HIVEP3: variants seen among roughly 807,000 people sequenced by gnomAD.
HIVEP3 encodes the protein transcription factor HIVEP3.
In HIVEP3, 49 loss-of-function variants were observed where a neutral mutation model predicts 152.8. The ratio of observed to expected loss-of-function variants is 0.32; its 90% confidence interval spans 0.26 to 0.41. HIVEP3 has a LOEUF of 0.41. HIVEP3 is among the 10% of genes least tolerant of loss of function. The pLI is 1.00. For missense variants in HIVEP3, 2,790 were observed against 3,103.3 expected, an observed-to-expected ratio of 0.90 and a Z score of 2.40; for synonymous variants, 1,269 against 1,289.0, an observed-to-expected ratio of 0.98 and a Z score of 0.33.
chr1:42,016,883 T>C (rs1645526145), intron 1 of HIVEP3, among the ~76,000 whole-genome samples: 2 of 152,210 alleles, frequency 1.3e-5, no homozygotes, highest in Non-Finnish European at 2.9e-5. Flanking sequence ...TCCTGATATA[T>C]TTATGTAGGC....
intron 1 of HIVEP3, among the ~76,000 whole-genome samples, chr1:41,867,230 T>C (rs1381451280): frequency 1.3e-5 from 2 of 151,944 alleles, no homozygotes; most frequent in East Asian, 3.9e-4. Flanking sequence ...TGAAATGAGG[T>C]GGATGGGGCT....
intron 5 of HIVEP3, among the ~76,000 whole-genome samples, chr1:41,528,947 A>C (rs1569764170): frequency 1.7e-5 from 1 of 60,202 alleles, no homozygotes; most frequent in Admixed American, 2.0e-4. Context: ...ACTCACCTTC[A>C]TGCTCACATT....
intron 1 of HIVEP3, among the ~76,000 whole-genome samples, chr1:41,885,232 G>T (rs1277969310): frequency 6.6e-6 from 1 of 152,188 alleles, no homozygotes; most frequent in African/African-American, 2.4e-5. Context: ...AGTACCCTTA[G>T]GTGCTCTCAT....
chr1:41,888,895 AC>A (rs1473362588), intron 1 of HIVEP3, among the ~76,000 whole-genome samples: 1 of 141,422 alleles, frequency 7.1e-6, no homozygotes, highest in Non-Finnish European at 1.5e-5. Flanking sequence ...CACATACCCC[AC>A]ACACGTACAC....
At chr1:41,993,104 C>T (rs1293907071) in intron 1 of HIVEP3, among the ~76,000 whole-genome samples, 2 of 151,100 alleles carry the variant, frequency 1.3e-5, no homozygotes, top group African/African-American at 4.9e-5. Context: ...GACTTCATGT[C>T]TAAAACACCA....
chr1:41,566,278 G>C (rs998463669), intron 5 of HIVEP3, among the ~76,000 whole-genome samples: 11 of 152,114 alleles, frequency 7.2e-5, no homozygotes, highest in Non-Finnish European at 1.6e-4. Flanking sequence ...AAGAGGCCTG[G>C]AATGGGGCTG....
chr1:41,801,129 AAAG>A (rs1279016219), intron 1 of HIVEP3, among the ~76,000 whole-genome samples: 4 of 152,364 alleles, frequency 2.6e-5, no homozygotes, highest in Non-Finnish European at 1.5e-5. Flanking sequence ...AGGGCCCAGA[AAAG>A]AAGAAGATGC....
chr1:41,786,382 C>T (rs1195014575), intron 1 of HIVEP3, among the ~76,000 whole-genome samples: 1 of 152,210 alleles, frequency 6.6e-6, no homozygotes, highest in East Asian at 1.9e-4. Flanking sequence ...GGGCCTGCCC[C>T]ACTTCTCAGC....
chr1:41,771,872 A>G (rs187765624), intron 1 of HIVEP3, among the ~76,000 whole-genome samples: 34 of 152,134 alleles, frequency 2.2e-4, no homozygotes, highest in African/African-American at 8.2e-4. Context: ...TCACCGTGTT[A>G]GCCAGGCTGG....
rs555299043 is a variant in HIVEP3, at chr1:41,816,147, C to T, written c.-801+102266G>A. ...CCACAATCCCAAGTCTTGTCCACTC[C>T]AGCCTCTCAGTAGCTTCCATAAAGC... On this transcript the variant is annotated intron_variant, in intron 1 of 8. Transcript: ENST00000372583. Among the ~76,000 whole-genome samples, 3 of 152,302 alleles carry T rather than the reference C, an allele frequency of 2.0e-5. No individual in the cohort carries two copies. In the East Asian group the frequency reaches 5.8e-4, roughly 29 times the overall value.
chr1:41,935,513 A>G (rs1242772924), intron 1 of HIVEP3, among the ~76,000 whole-genome samples: 1 of 152,080 alleles, frequency 6.6e-6, no homozygotes. Flanking sequence ...CAGAATGGCA[A>G]CAAGGGACTA....
At chr1:41,944,195 G>GA (rs1255518099) in intron 1 of HIVEP3, among the ~76,000 whole-genome samples, 23 of 152,314 alleles carry the variant, frequency 1.5e-4, no homozygotes, top group African/African-American at 5.5e-4. Flanking sequence ...TCTGGAGAAG[G>GA]ATAGTACCAG....
rs535961364 is a variant in HIVEP3 at position 41,539,885 on chromosome 1, A to G, written c.5208-14975T>C. 7.9e-5 allele frequency among the ~76,000 whole-genome samples: 12 copies of G among 152,368 alleles called. No individual in the cohort carries two copies. In the South Asian group the frequency reaches 2.5e-3, roughly 32 times the overall value. On this transcript the variant is annotated intron_variant, in intron 5 of 8. Transcript: ENST00000372583. The stretch of plus-strand genomic sequence containing the variant: ...ACAATTTGTTAAGTGCTGACTCTGT[A>G]GTAGGCACTTTTTACAGAAATTATA...
intron 1 of HIVEP3, among the ~76,000 whole-genome samples, chr1:41,785,347 G>A (rs1246310640): frequency 6.6e-6 from 1 of 152,162 alleles, no homozygotes; most frequent in East Asian, 1.9e-4. Flanking sequence ...AGAATGGGGA[G>A]GGTTGCATCG....
At chr1:42,017,145 ATTTTC>A (rs1645527918) in intron 1 of HIVEP3, among the ~76,000 whole-genome samples, 1 of 152,020 alleles carries the variant, frequency 6.6e-6, no homozygotes, top group South Asian at 2.1e-4. Flanking sequence ...TACCATTTTA[ATTTTC>A]TTTTCAAAGA....
chr1:41,547,380 C>G (rs1351574371), intron 5 of HIVEP3, among the ~76,000 whole-genome samples: 1 of 152,104 alleles, frequency 6.6e-6, no homozygotes, highest in Non-Finnish European at 1.5e-5. Context: ...GACAAGCAGG[C>G]AGTGGCAGGG....
intron 1 of HIVEP3, among the ~76,000 whole-genome samples, chr1:41,801,507 A>T (rs559928102): frequency 6.6e-6 from 1 of 152,354 alleles, no homozygotes; most frequent in South Asian, 2.1e-4. Flanking sequence ...TCTTACAAGA[A>T]ATTACTGATA....
chr1:41,811,842 C>G (rs1477021790), intron 1 of HIVEP3, among the ~76,000 whole-genome samples: 1 of 151,950 alleles, frequency 6.6e-6, no homozygotes, highest in African/African-American at 2.4e-5. Flanking sequence ...CAGATGAGTC[C>G]TTATCTAACT....
At chr1:41,972,080 T>C (rs983797330) in intron 1 of HIVEP3, among the ~76,000 whole-genome samples, 1 of 152,224 alleles carries the variant, frequency 6.6e-6, no homozygotes, top group Non-Finnish European at 1.5e-5. Context: ...TACTCTCTAG[T>C]ATTTTATTAT....
Sources: gnomAD v4.1 joint callset for allele counts (sites outside exome capture counted in the v4.1 genomes callset) on GRCh38, gnomAD v4.1.1 for gene constraint, MANE v1.5 for transcripts, NCBI Gene and HGNC (gene_info 2026-07-23, HGNC 2026-07-21) for gene names.